PEPD: variants seen among roughly 807,000 people sequenced by gnomAD.
The protein encoded by PEPD is peptidase D.
In PEPD, 53 loss-of-function variants were observed where a neutral mutation model predicts 60.7. That is an observed-to-expected ratio of 0.87 (90% CI 0.70 to 1.10). The LOEUF is 1.10. Ranked by LOEUF, PEPD falls within the 50% of genes least tolerant of loss-of-function variation. The pLI is 0.00. For missense variants in PEPD, 711 were observed against 711.9 expected (o/e 1.00, Z 0.01); for synonymous variants, 267 against 284.1 (o/e 0.94, Z 0.60).
At position 33,511,099 on chromosome 19, in the gene PEPD, G is replaced by T; in HGVS notation, c.258C>A (p.Ile86=). 6.2e-7 allele frequency: 1 copy of T among 1,613,892 alleles called. No homozygotes were observed. Among genetic ancestry groups the T allele is most frequent in the South Asian group, 1.1e-5 (1 of 91,064 alleles). ...GGGTCGACTTCCCAGTGTCAACATC[G>T]ATGACACCATAGCAGCCTGGCTCAG... ...GVTEPGCYGV[I]DVDTGKSTLF... Residue 86 remains isoleucine, a synonymous_variant, in exon 3 of 15, where the codon ATC becomes ATA. Transcript: ENST00000244137.
intron 11 of PEPD, among the ~76,000 whole-genome samples, chr19:33,402,175 G>A (rs1339836854): frequency 1.3e-5 from 2 of 152,194 alleles, no homozygotes; most frequent in African/African-American, 4.8e-5. Context: ...CCACCCCTGT[G>A]GCCTGGCCTC....
chr19:33,426,681 C>T (rs534233290), intron 9 of PEPD, among the ~76,000 whole-genome samples: 9 of 152,382 alleles, frequency 5.9e-5, no homozygotes, highest in Non-Finnish European at 8.8e-5. Flanking sequence ...GTGGTCACTG[C>T]GCAGCAGGTG....
intron 9 of PEPD, among the ~76,000 whole-genome samples, chr19:33,430,988 G>T (rs1568467736): frequency 6.6e-6 from 1 of 152,166 alleles, no homozygotes; most frequent in South Asian, 2.1e-4. Flanking sequence ...CCAGCCAGGT[G>T]CTGTGGCTCA....
intron 7 of PEPD, among the ~76,000 whole-genome samples, chr19:33,475,261 C>T (rs1970194718): frequency 6.6e-6 from 1 of 151,926 alleles, no homozygotes; most frequent in African/African-American, 2.4e-5. Flanking sequence ...GTGGTGAAGG[C>T]ATTCAAGACC....
chr19:33,474,774 A>C (rs575395950), intron 7 of PEPD, among the ~76,000 whole-genome samples: 9 of 152,176 alleles, frequency 5.9e-5, no homozygotes, highest in Non-Finnish European at 1.3e-4. Context: ...TAAGGCCAGG[A>C]GTTCGAGGCC....
At chr19:33,466,485 A>G (rs903295333) in intron 7 of PEPD, among the ~76,000 whole-genome samples, 2 of 152,236 alleles carry the variant, frequency 1.3e-5, no homozygotes, top group African/African-American at 4.8e-5. Flanking sequence ...ATGGCTTTAG[A>G]TCTAACTTCC....
chr19:33,391,927 C>A (rs1377576345), intron 12 of PEPD, among the ~76,000 whole-genome samples: 11 of 152,210 alleles, frequency 7.2e-5, no homozygotes, highest in African/African-American at 2.7e-4. Flanking sequence ...AGACCCAAAC[C>A]CTGGCTCAGA....
intron 6 of PEPD, among the ~76,000 whole-genome samples, chr19:33,489,655 G>C (rs1970460569): frequency 6.6e-6 from 1 of 151,788 alleles, no homozygotes. Context: ...TAAAAGAAAG[G>C]GGGTGGTGGC....
chr19:33,500,605 T>C (rs747304591), intron 4 of PEPD, among the ~76,000 whole-genome samples: 18 of 152,176 alleles, frequency 1.2e-4, no homozygotes, highest in Non-Finnish European at 1.3e-4. Flanking sequence ...GGCCCAGCCT[T>C]GTGGTGACTT....
chr19:33,520,961 G>A (rs576385401), intron 1 of PEPD, among the ~76,000 whole-genome samples: 1 of 152,150 alleles, frequency 6.6e-6, no homozygotes, highest in Non-Finnish European at 1.5e-5. Context: ...CCAGCCCCAG[G>A]CATGCACCCC....
At chr19:33,447,884 T>C (rs900528943) in intron 9 of PEPD, among the ~76,000 whole-genome samples, 7 of 152,210 alleles carry the variant, frequency 4.6e-5, no homozygotes, top group African/African-American at 1.4e-4. Context: ...AGGCAGAGGA[T>C]GGCCTTGTGC....
At chr19:33,457,269 G>A (rs1433475323) in intron 9 of PEPD, among the ~76,000 whole-genome samples, 1 of 151,980 alleles carries the variant, frequency 6.6e-6, no homozygotes, top group Non-Finnish European at 1.5e-5. Flanking sequence ...CTATCTCTAC[G>A]AAAAATAAAA....
At chr19:33,485,560 A>G (rs1970381812) in intron 6 of PEPD, among the ~76,000 whole-genome samples, 1 of 151,918 alleles carries the variant, frequency 6.6e-6, no homozygotes, top group African/African-American at 2.4e-5. Context: ...GTAACCAGAA[A>G]ACCACGGTCC....
At chr19:33,411,142 C>T (rs1208113117) in intron 11 of PEPD, among the ~76,000 whole-genome samples, 21 of 152,202 alleles carry the variant, frequency 1.4e-4, no homozygotes, top group Non-Finnish European at 7.3e-5. Context: ...CACGGCACAT[C>T]GTGCTCAGGA....
chr19:33,446,309 A>T (rs1286074387), intron 9 of PEPD, among the ~76,000 whole-genome samples: 2 of 152,216 alleles, frequency 1.3e-5, no homozygotes, highest in African/African-American at 4.8e-5. Flanking sequence ...TGCCAAGATA[A>T]ATGATTCAAA....
intron 13 of PEPD, among the ~76,000 whole-genome samples, chr19:33,389,929 C>A (rs1968173296): frequency 6.6e-6 from 1 of 152,260 alleles, no homozygotes; most frequent in South Asian, 2.1e-4. Flanking sequence ...GGGTGGAGCG[C>A]AGAGCCATGT....
chr19:33,451,266 T>A (rs1728305789), intron 9 of PEPD, among the ~76,000 whole-genome samples: 1 of 152,246 alleles, frequency 6.6e-6, no homozygotes, highest in African/African-American at 2.4e-5. Flanking sequence ...TTGCCTGCCT[T>A]GCATCAAAAC....
intron 6 of PEPD, among the ~76,000 whole-genome samples, chr19:33,487,895 A>T (rs1210812130): frequency 6.6e-6 from 1 of 152,028 alleles, no homozygotes; most frequent in African/African-American, 2.4e-5. Context: ...TGGGGGGTAG[A>T]ACGAGACCTT....
intron 9 of PEPD, among the ~76,000 whole-genome samples, chr19:33,462,320 C>G (rs942429254): frequency 6.7e-6 from 1 of 148,884 alleles, no homozygotes; most frequent in Non-Finnish European, 1.5e-5. Flanking sequence ...CAGGTGGTAC[C>G]AACACTGGTG....
Sources: gnomAD v4.1 joint callset for allele counts (sites outside exome capture counted in the v4.1 genomes callset) on GRCh38, gnomAD v4.1.1 for gene constraint, MANE v1.5 for transcripts, NCBI Gene and HGNC (gene_info 2026-07-23, HGNC 2026-07-21) for gene names.